Variants in USP14 observed in about 807,000 individuals in gnomAD.
USP14 encodes ubiquitin specific peptidase 14, also known as ubiquitin carboxyl-terminal hydrolase 14.
A neutral mutation model predicts 76.5 loss-of-function variants in USP14; 38 were observed. The ratio of observed to expected loss-of-function variants is 0.50; its 90% CI spans 0.38 to 0.65. The LOEUF (loss-of-function observed/expected upper bound fraction) is 0.65. Among genes scored for constraint, USP14 ranks in the 30% least tolerant of loss-of-function variants. USP14 has a pLI of 0.00. For missense variants in USP14, 467 were observed against 586.5 expected (o/e 0.80, Z 2.10); for synonymous variants, 192 against 191.7 (o/e 1.00, Z -0.01).
intron 12 of USP14, 39 bp downstream of exon 12, chr18:203,229 C>A (rs1910431205): frequency 6.4e-7 from 1 of 1,552,814 alleles, no homozygotes; most frequent in Non-Finnish European, 8.8e-7. Context: ...AAATGTAATT[C>A]TTTGAAGGTA....
chr18:167,994 A>T (rs573747089), intron 3 of USP14, among the ~76,000 whole-genome samples: 10 of 143,722 alleles, frequency 7.0e-5, no homozygotes, highest in Admixed American at 6.5e-4. Flanking sequence ...CTAGAGTGCA[A>T]TGGCGCGATC....
At chr18:185,416 A>G (rs1031329187) in intron 5 of USP14, among the ~76,000 whole-genome samples, 5 of 152,106 alleles carry the variant, frequency 3.3e-5, no homozygotes, top group African/African-American at 9.7e-5. Flanking sequence ...CAGCCTCCCA[A>G]AGTGCTGGGA....
At chr18:197,788 A>G (rs1272215175) in intron 8 of USP14, 92 bp downstream of exon 8, 4 of 986,138 alleles carry the variant, frequency 4.1e-6, no homozygotes, top group Non-Finnish European at 6.0e-6. Flanking sequence ...AATAAGTTCC[A>G]TCTTATAGGT....
intron 4 of USP14, among the ~76,000 whole-genome samples, chr18:179,951 C>T (rs1381089772): frequency 1.3e-5 from 2 of 151,954 alleles, no homozygotes; most frequent in East Asian, 3.9e-4. Flanking sequence ...TTTGCCTATT[C>T]TCTTCTCTTG....
In USP14 at chr18:204,700, C is replaced by T; in HGVS notation, c.1164+8C>T. The T allele has an allele frequency of 6.2e-7, 1 of 1,609,452 alleles. No individual in the cohort carries two copies. Among genetic ancestry groups the T allele is most frequent in the Non-Finnish European group, 8.5e-7 (1 of 1,178,880 alleles). ...AATCAGCAGCCAAATACAGTAGGTT[C>T]TTACTGCTGACTTTATACTCTTAAT... On this transcript the variant is annotated splice_region_variant and intron_variant, in intron 13 of 15. Coordinates refer to ENST00000261601, the MANE Select transcript of USP14 (RefSeq NM_005151.4).
chr18:174,601 TTTTC>T (rs1203859611), intron 3 of USP14, among the ~76,000 whole-genome samples: 59 of 138,542 alleles, frequency 4.3e-4, no homozygotes, highest in Non-Finnish European at 7.5e-4. Context: ...TAAGTGGTAC[TTTTC>T]TTTCTTTTTT....
intron 6 of USP14, among the ~76,000 whole-genome samples, chr18:194,812 T>C (rs1018589521): frequency 6.6e-6 from 1 of 152,128 alleles, no homozygotes; most frequent in African/African-American, 2.4e-5. Context: ...ATGTCTGTAA[T>C]CCCAGCTACT....
chr18:165,979 A>G (rs1439108236), intron 2 of USP14, among the ~76,000 whole-genome samples: 1 of 150,150 alleles, frequency 6.7e-6, no homozygotes, highest in Non-Finnish European at 1.5e-5. Context: ...TAGTAAAAAT[A>G]TTACTCTGGA....
chr18:207,809 T>C (rs1035878843), intron 13 of USP14, among the ~76,000 whole-genome samples: 1 of 152,256 alleles, frequency 6.6e-6, no homozygotes, highest in African/African-American at 2.4e-5. Flanking sequence ...TGGTTAAATT[T>C]ATTCCTAAAT....
intron 5 of USP14, among the ~76,000 whole-genome samples, chr18:180,582 A>AC (rs1909759477): frequency 6.6e-6 from 1 of 152,152 alleles, no homozygotes; most frequent in African/African-American, 2.4e-5. Context: ...CACTCCTTTA[A>AC]CCCCTTCACC....
At position 184,737 on chromosome 18, in the gene USP14, C is replaced by T. The variant is rs199544050; in HGVS notation, c.404+4398C>T. The stretch of plus-strand genomic sequence containing the variant: ...GAGCCATCAGTGTGCCACTGCACTC[C>T]AGGCTGGGTAATAGAGTGAGGCCCT... On this transcript the variant is annotated intron_variant, in intron 5 of 15. Coordinates refer to ENST00000261601, the MANE Select transcript of USP14 (RefSeq NM_005151.4). 4.4e-4 allele frequency among the ~76,000 whole-genome samples: 67 copies of T among 152,142 alleles called. 1 individual carries two copies. The East Asian group carries it at 0.011, about 25-fold the overall frequency.
In USP14 at chr18:192,916, A is replaced by G; in HGVS notation, c.463+16A>G. The G allele has an allele frequency of 1.2e-6, 2 of 1,606,552 alleles. No homozygotes were observed. The highest frequency in any genetic ancestry group is 1.7e-6 in the Non-Finnish European group (2 of 1,175,928). On this transcript the variant is annotated intron_variant, in intron 6 of 15. Coordinates refer to ENST00000261601, the MANE Select transcript of USP14 (RefSeq NM_005151.4). ...ATTACTGCAGGTTTGTATACTAAAT[A>G]TACTACTTTTTGATAGGAGTAAGAC...
At chr18:191,737 C>T (rs1312075933) in intron 5 of USP14, among the ~76,000 whole-genome samples, 1 of 152,162 alleles carries the variant, frequency 6.6e-6, no homozygotes, top group Non-Finnish European at 1.5e-5. Flanking sequence ...TTATTACTGA[C>T]TAGATCAGTA....
intron 3 of USP14, among the ~76,000 whole-genome samples, chr18:175,613 C>G (rs1477510215): frequency 1.3e-5 from 2 of 151,978 alleles, no homozygotes; most frequent in Non-Finnish European, 2.9e-5. Context: ...ATTTGCTTAT[C>G]TTTTGTTAAG....
chr18:169,518 T>C (rs1386203108), intron 3 of USP14, among the ~76,000 whole-genome samples: 4 of 152,148 alleles, frequency 2.6e-5, no homozygotes, highest in African/African-American at 9.7e-5. Flanking sequence ...GTAGTGTGGT[T>C]AATCTCATTG....
In USP14 at chr18:163,308, T is replaced by C. The variant is rs1259586366; in HGVS notation, c.17T>C (p.Val6Ala). 1 of 1,604,076 alleles carries C rather than the reference T, an allele frequency of 6.2e-7. No individual in the cohort carries two copies. Among genetic ancestry groups the C allele is most frequent in the Admixed American group, 1.7e-5 (1 of 58,270 alleles). ...AAAAAAATTGTGATTTTGTTTGCAG[T>C]TACTGTAAAATGGGGAAAGGAGAAA... Reference protein sequence around the residue: MPLYSVTVKWGKEKFE... With the variant: MPLYSATVKWGKEKFE... Residue 6 changes from valine (V) to alanine (A), a missense_variant and splice_region_variant, in exon 2 of 16, where the codon GTT becomes GCT. Coordinates refer to ENST00000261601, the MANE Select transcript of USP14 (RefSeq NM_005151.4).
chr18:208,561 A>T (rs1910588802), intron 13 of USP14, among the ~76,000 whole-genome samples: 2 of 151,888 alleles, frequency 1.3e-5, no homozygotes, highest in South Asian at 4.2e-4. Context: ...ATATCCTATG[A>T]ATTTTGATAC....
chr18:197,831 C>T (rs1300194047), intron 8 of USP14, 135 bp downstream of exon 8: 1 of 714,958 alleles, frequency 1.4e-6, no homozygotes, highest in African/African-American at 1.8e-5. Flanking sequence ...GATGCTCAAT[C>T]TGTAGTCAGA....
At position 213,759 on chromosome 18, in the gene USP14, G is replaced by A. The variant is rs1349112856; in HGVS notation, c.*2475G>A. 6.6e-6 allele frequency: 1 copy of A among 152,282 alleles called. No homozygotes were observed. Among genetic ancestry groups the A allele is most frequent in the East Asian group, 1.9e-4 (1 of 5,192 alleles). The allele number at this position is 152,282 out of a possible 1,614,324, so 9.4% of individuals were successfully genotyped here. ...GCTTATGTGGGAACAAGAAAAGTCGGTGGTACTGTCTTCTGCTACTACTAC... is the reference window on the plus strand; with the variant it reads ...GCTTATGTGGGAACAAGAAAAGTCGATGGTACTGTCTTCTGCTACTACTAC... On this transcript the variant is annotated 3_prime_UTR_variant, in exon 16 of 16. Coordinates refer to ENST00000261601, the MANE Select transcript of USP14 (RefSeq NM_005151.4).
Sources: allele counts gnomAD v4.1 joint callset (sites outside exome capture counted in the v4.1 genomes callset), GRCh38; gene constraint gnomAD v4.1.1; transcripts MANE v1.5; gene names NCBI Gene and HGNC (gene_info 2026-07-23, HGNC 2026-07-21).